Variants in MAF observed in about 807,000 individuals in gnomAD.
The protein encoded by MAF is transcription factor Maf.
Under a neutral mutation model 22.0 loss-of-function variants are expected in MAF, and 10 were observed. The ratio of observed to expected loss-of-function variants is 0.45; its 90% CI spans 0.28 to 0.77. The LOEUF (loss-of-function observed/expected upper bound fraction) is 0.77, where lower values mean the gene tolerates loss of function less well. MAF is among the 30% of genes least tolerant of loss of function. MAF has a pLI of 0.12. For synonymous variants in MAF, 337 were observed against 255.8 expected (o/e 1.32, Z -3.03); for missense variants, 544 against 548.4 (o/e 0.99, Z 0.08).
chr16:79,572,415 A>T, the MAF span, among the ~76,000 whole-genome samples: 1 of 152,148 alleles, frequency 6.6e-6, no homozygotes, highest in Admixed American at 6.5e-5. Context: ...ATACAGAAAA[A>T]TCCTAGAACA....
chr16:79,485,168 G>A, the MAF span, among the ~76,000 whole-genome samples: 1 of 152,156 alleles, frequency 6.6e-6, no homozygotes, highest in Non-Finnish European at 1.5e-5. Context: ...TTTAAAGGCT[G>A]TGTTCAAACC....
the MAF span, among the ~76,000 whole-genome samples, chr16:79,263,010 A>G: frequency 6.6e-6 from 1 of 152,208 alleles, no homozygotes; most frequent in African/African-American, 2.4e-5. Context: ...ATTCGGAGAC[A>G]GTCATTTCAC....
At chr16:79,415,220 G>A in the MAF span, among the ~76,000 whole-genome samples, 1 of 151,908 alleles carries the variant, frequency 6.6e-6, no homozygotes, top group Admixed American at 6.6e-5. Flanking sequence ...GCAAAGTGCT[G>A]GGCACAGGAT....
chr16:79,435,200 G>A, the MAF span, among the ~76,000 whole-genome samples: 7 of 151,974 alleles, frequency 4.6e-5, no homozygotes, highest in Admixed American at 3.3e-4. Context: ...ACACACAGCT[G>A]TACACACATA....
chr16:79,259,015 T>C, the MAF span, among the ~76,000 whole-genome samples: 93 of 152,206 alleles, frequency 6.1e-4, no homozygotes, highest in African/African-American at 2.1e-3. Flanking sequence ...CCATCCCAGA[T>C]TACATTTTGG....
At chr16:79,397,355 G>A in the MAF span, among the ~76,000 whole-genome samples, 2 of 152,188 alleles carry the variant, frequency 1.3e-5, no homozygotes, top group Non-Finnish European at 2.9e-5. Context: ...ATAGTGCAGA[G>A]CATATGTCTT....
At chr16:79,432,610 A>G in the MAF span, among the ~76,000 whole-genome samples, 6 of 152,334 alleles carry the variant, frequency 3.9e-5, no homozygotes, top group South Asian at 1.2e-3. Flanking sequence ...GGAACATTGT[A>G]TTTCAGAATG....
At chr16:79,368,419 C>G in the MAF span, among the ~76,000 whole-genome samples, 22,234 of 151,944 alleles carry the variant, frequency 0.15, 3,623 homozygotes, top group African/African-American at 0.4. Flanking sequence ...CACGGGTCTA[C>G]GATTGTGTAT....
the MAF span, among the ~76,000 whole-genome samples, chr16:79,502,724 T>C: frequency 1.8e-3 from 168 of 94,864 alleles, 4 homozygotes; most frequent in Admixed American, 6.1e-3. Context: ...TATATATATA[T>C]ATATATATAT....
the MAF span, among the ~76,000 whole-genome samples, chr16:79,321,956 G>A: frequency 1.3e-5 from 2 of 152,118 alleles, no homozygotes; most frequent in Non-Finnish European, 2.9e-5. Context: ...TTTGGACCTG[G>A]CACGGTGGCT....
the MAF span, among the ~76,000 whole-genome samples, chr16:79,342,901 G>A: frequency 3.3e-5 from 5 of 152,034 alleles, no homozygotes; most frequent in East Asian, 1.9e-4. Context: ...CAAAGCGTTC[G>A]TTCTTACAGT....
chr16:79,525,238 C>T, the MAF span, among the ~76,000 whole-genome samples: 2 of 152,076 alleles, frequency 1.3e-5, no homozygotes, highest in Non-Finnish European at 2.9e-5. Flanking sequence ...AAATAAATAG[C>T]TATGCACAGC....
At chr16:79,233,634 A>G in the MAF span, among the ~76,000 whole-genome samples, 3 of 152,058 alleles carry the variant, frequency 2.0e-5, no homozygotes, top group Admixed American at 2.0e-4. Flanking sequence ...GTGATGGGAT[A>G]CCGTTAAAAC....
At chr16:79,294,778 T>C in the MAF span, among the ~76,000 whole-genome samples, 1 of 152,186 alleles carries the variant, frequency 6.6e-6, no homozygotes, top group South Asian at 2.1e-4. Flanking sequence ...CAGGGCCAAC[T>C]CTCTATCCAG....
the MAF span, among the ~76,000 whole-genome samples, chr16:79,391,899 CAGGAGGAGGAGAAGG>C: frequency 3.9e-4 from 19 of 48,404 alleles, no homozygotes; most frequent in African/African-American, 5.6e-4. Context: ...GGAGGAGGAG[CAGGAGGAGGAGAAGG>C]AGGAGGAGGA....
At chr16:79,263,870 TCCACAAC>T in the MAF span, among the ~76,000 whole-genome samples, 205 of 152,166 alleles carry the variant, frequency 1.3e-3, 1 homozygote, top group African/African-American at 4.6e-3. Flanking sequence ...TGCCACTTGC[TCCACAAC>T]CACCATTTCT....
chr16:79,388,556 T>C, the MAF span, among the ~76,000 whole-genome samples: 1 of 152,252 alleles, frequency 6.6e-6, no homozygotes, highest in Admixed American at 6.5e-5. Flanking sequence ...ATGGGCCATG[T>C]GCTTATCAAA....
At chr16:79,438,702 C>A in the MAF span, among the ~76,000 whole-genome samples, 1 of 152,138 alleles carries the variant, frequency 6.6e-6, no homozygotes, top group Non-Finnish European at 1.5e-5. Flanking sequence ...TCTCTTGGCA[C>A]GGTCCTCCGT....
At chr16:79,338,738 A>T in the MAF span, among the ~76,000 whole-genome samples, 2 of 152,334 alleles carry the variant, frequency 1.3e-5, no homozygotes, top group East Asian at 3.9e-4. Flanking sequence ...GCGACACTTC[A>T]CTTGGCTCCT....
Sources: gnomAD v4.1 joint callset for allele counts (sites outside exome capture counted in the v4.1 genomes callset) on GRCh38, gnomAD v4.1.1 for gene constraint, MANE v1.5 for transcripts, NCBI Gene and HGNC (gene_info 2026-07-23, HGNC 2026-07-21) for gene names.